CSMD1: variants seen among roughly 807,000 people sequenced by gnomAD.
CSMD1 encodes the protein CUB and sushi domain-containing protein 1.
In CSMD1, 213 loss-of-function variants were observed where a neutral mutation model predicts 417.5. That is an observed-to-expected ratio of 0.51 (90% confidence interval 0.46 to 0.57). CSMD1 has a LOEUF of 0.57. Among genes scored for constraint, CSMD1 ranks in the 20% least tolerant of loss-of-function variants. The pLI, the probability that CSMD1 is intolerant of heterozygous loss-of-function variation, is 0.00. For synonymous variants in CSMD1, 2,862 were observed against 1,736.8 expected, an observed-to-expected ratio of 1.65 and a Z score of -16.11; for missense variants, 6,923 against 4,529.7, an observed-to-expected ratio of 1.53 and a Z score of -15.17.
intron 2 of CSMD1, among the ~76,000 whole-genome samples, chr8:4,553,576 T>G (rs960667512): frequency 6.6e-6 from 1 of 152,150 alleles, no homozygotes; most frequent in Non-Finnish European, 1.5e-5. Context: ...CATTAAACAT[T>G]CTAAATTAGA....
intron 5 of CSMD1, among the ~76,000 whole-genome samples, chr8:3,956,785 C>T (rs542061280): frequency 6.6e-6 from 1 of 151,982 alleles, no homozygotes; most frequent in African/African-American, 2.4e-5. Flanking sequence ...CTGGAAGAAT[C>T]GATTTAGGAG....
intron 3 of CSMD1, among the ~76,000 whole-genome samples, chr8:4,165,007 T>G (rs371299073): frequency 5.6e-4 from 86 of 152,300 alleles, no homozygotes; most frequent in African/African-American, 1.9e-3. Flanking sequence ...TATGTTCTTG[T>G]ATGTTTTTGT....
Position 4,325,758 on chromosome 8 carries a change from G to T in CSMD1, c.415+94195C>A, listed in dbSNP as rs915134080. On this transcript the variant is annotated intron_variant, in intron 3 of 69. Coordinates refer to ENST00000635120, the MANE Select transcript of CSMD1 (RefSeq NM_033225.6). ...AGAAGGCGTGAATGTTATTCCTGTTGCACCCCTCTCCACTTCCCATTTTAA... is the reference window on the plus strand; with the variant it reads ...AGAAGGCGTGAATGTTATTCCTGTTTCACCCCTCTCCACTTCCCATTTTAA... 4.3e-4 allele frequency among the ~76,000 whole-genome samples: 65 copies of T among 152,192 alleles called. 1 individual carries two copies. Among genetic ancestry groups the T allele is most frequent in the Admixed American group, 1.2e-3 (19 of 15,274 alleles).
At chr8:4,555,243 T>C (rs1431005428) in intron 2 of CSMD1, among the ~76,000 whole-genome samples, 1 of 152,074 alleles carries the variant, frequency 6.6e-6, no homozygotes, top group Non-Finnish European at 1.5e-5. Context: ...ATTGCAGAAA[T>C]CTGAGAGGAG....
intron 10 of CSMD1, among the ~76,000 whole-genome samples, chr8:3,503,201 C>T (rs567136360): frequency 1.6e-4 from 25 of 152,304 alleles, no homozygotes; most frequent in African/African-American, 6.0e-4. Context: ...CACCCACACA[C>T]AAAGAAAGGG....
At chr8:4,811,221 A>C (rs757133400) in intron 1 of CSMD1, among the ~76,000 whole-genome samples, 8 of 152,200 alleles carry the variant, frequency 5.3e-5, no homozygotes, top group African/African-American at 9.6e-5. Flanking sequence ...CACGAGGTTC[A>C]ACAAGAGAAC....
At chr8:3,189,105 G>C (rs1796264979) in intron 34 of CSMD1, 94 bp from the exon 35 acceptor site, 6 of 1,182,292 alleles carry the variant, frequency 5.1e-6, no homozygotes, top group Middle Eastern at 2.1e-4. Flanking sequence ...CACACAGTAA[G>C]AGAAAATGTA....
chr8:4,062,066 G>C (rs74412368), intron 3 of CSMD1, among the ~76,000 whole-genome samples: 1,869 of 152,238 alleles, frequency 0.012, 33 homozygotes, highest in African/African-American at 0.042. Flanking sequence ...TGCCGTGGTG[G>C]AGCCAGGTGC....
intron 3 of CSMD1, among the ~76,000 whole-genome samples, chr8:4,290,495 T>A (rs935735696): frequency 3.6e-4 from 55 of 152,060 alleles, no homozygotes; most frequent in African/African-American, 1.3e-3. Flanking sequence ...TTTCATAGCA[T>A]GAGAAAAAAA....
intron 6 of CSMD1, among the ~76,000 whole-genome samples, chr8:3,723,808 A>T (rs1040112935): frequency 6.6e-6 from 1 of 152,220 alleles, no homozygotes; most frequent in African/African-American, 2.4e-5. Context: ...AAATGACCGC[A>T]ACTTACTGCT....
chr8:4,439,287 TTCAC>T (rs1411876074), intron 2 of CSMD1, among the ~76,000 whole-genome samples: 1 of 152,178 alleles, frequency 6.6e-6, no homozygotes, highest in Non-Finnish European at 1.5e-5. Context: ...AAAATGACCT[TTCAC>T]TGCTGCCAAA....
At chr8:4,415,049 C>G (rs1470881144) in intron 3 of CSMD1, among the ~76,000 whole-genome samples, 1 of 152,140 alleles carries the variant, frequency 6.6e-6, no homozygotes, top group Non-Finnish European at 1.5e-5. Flanking sequence ...GTTTCATAGT[C>G]CAGTGAAAGT....
At chr8:4,726,606 T>C (rs746521407) in intron 1 of CSMD1, among the ~76,000 whole-genome samples, 1 of 152,156 alleles carries the variant, frequency 6.6e-6, no homozygotes, top group Non-Finnish European at 1.5e-5. Flanking sequence ...CATCAGCTTC[T>C]GCAAAAGATA....
At chr8:3,481,177 A>T (rs1234595429) in intron 11 of CSMD1, among the ~76,000 whole-genome samples, 2 of 150,500 alleles carry the variant, frequency 1.3e-5, no homozygotes, top group Admixed American at 1.3e-4. Context: ...AAAAAAAAAA[A>T]AACCAGAGTA....
At chr8:3,431,048 T>C (rs1228628697) in intron 12 of CSMD1, among the ~76,000 whole-genome samples, 1 of 152,158 alleles carries the variant, frequency 6.6e-6, no homozygotes, top group Non-Finnish European at 1.5e-5. Context: ...CTGCTAGTAA[T>C]GGATTCTGGG....
chr8:4,247,825 T>A (rs1325313471), intron 3 of CSMD1, among the ~76,000 whole-genome samples: 3 of 152,220 alleles, frequency 2.0e-5, no homozygotes, highest in Non-Finnish European at 2.9e-5. Context: ...TAAGTTCACT[T>A]TGTGACATTA....
At chr8:3,438,743 C>G (rs1398135555) in intron 12 of CSMD1, among the ~76,000 whole-genome samples, 1 of 152,080 alleles carries the variant, frequency 6.6e-6, no homozygotes, top group African/African-American at 2.4e-5. Context: ...GTTATGTGAA[C>G]AGAAGCCTTC....
chr8:4,746,591 C>T (rs1029962030), intron 1 of CSMD1, among the ~76,000 whole-genome samples: 5 of 152,278 alleles, frequency 3.3e-5, no homozygotes, highest in African/African-American at 4.8e-5. Context: ...TCTATTCTAG[C>T]GAGCATGCAT....
At chr8:3,292,720 C>T (rs1245764849) in intron 25 of CSMD1, among the ~76,000 whole-genome samples, 1 of 152,150 alleles carries the variant, frequency 6.6e-6, no homozygotes, top group Admixed American at 6.5e-5. Context: ...CTATGTGTGT[C>T]TCTGCAAGTT....
Sources: allele counts gnomAD v4.1 joint callset (sites outside exome capture counted in the v4.1 genomes callset), GRCh38; gene constraint gnomAD v4.1.1; transcripts MANE v1.5; gene names NCBI Gene and HGNC (gene_info 2026-07-23, HGNC 2026-07-21).